IARS2: variants seen among roughly 807,000 people sequenced by gnomAD.
The protein encoded by IARS2 is isoleucine--tRNA ligase, mitochondrial.
Under a neutral mutation model 126.3 loss-of-function variants are expected in IARS2, and 56 were observed. The observed-to-expected ratio is 0.44, with a 90% confidence interval of 0.36 to 0.55. The LOEUF (loss-of-function observed/expected upper bound fraction) is 0.55. IARS2 is among the 20% of genes least tolerant of loss of function. IARS2 has a pLI of 0.00. For missense variants in IARS2, 1,127 were observed against 1,245.9 expected, an observed-to-expected ratio of 0.90 and a Z score of 1.44; for synonymous variants, 407 against 441.1, an observed-to-expected ratio of 0.92 and a Z score of 0.97.
chr1:220,101,873 C>T (rs1014774187), intron 3 of IARS2, among the ~76,000 whole-genome samples: 1 of 152,018 alleles, frequency 6.6e-6, no homozygotes, highest in African/African-American at 2.4e-5. Flanking sequence ...TGGTGGCGGG[C>T]GCCTGTAGTC....
intron 9 of IARS2, among the ~76,000 whole-genome samples, 185 bp from the exon 10 acceptor site, chr1:220,106,876 C>G (rs1388304211): frequency 1.3e-5 from 2 of 152,138 alleles, no homozygotes; most frequent in Non-Finnish European, 2.9e-5. Context: ...AAGTGATCTG[C>G]CCACCTCGAC....
intron 22 of IARS2, 126 bp downstream of exon 22, chr1:220,145,779 G>A: frequency 1.3e-6 from 1 of 760,628 alleles, no homozygotes; most frequent in Non-Finnish European, 2.0e-6. Context: ...TCTTTCTATG[G>A]AAATAATAAA....
At chr1:220,118,997 C>T (rs1656983360) in intron 12 of IARS2, among the ~76,000 whole-genome samples, 1 of 152,110 alleles carries the variant, frequency 6.6e-6, no homozygotes, top group Non-Finnish European at 1.5e-5. Context: ...CATTCTTCTT[C>T]CAGTAAGTTA....
intron 14 of IARS2, among the ~76,000 whole-genome samples, chr1:220,131,011 G>A (rs1179706241): frequency 6.6e-6 from 1 of 152,094 alleles, no homozygotes; most frequent in Non-Finnish European, 1.5e-5. Context: ...TTGAAGTTGG[G>A]CAGTGTGATG....
rs143527396 is a variant in IARS2 at position 220,145,422 on chromosome 1, C to T, written c.2752-87C>T. Reference sequence around the variant, plus strand: ...GTATACCAGAAGGTTCCTCTCTAAACGTGAGATTTTATAGTGTTTCTTTTT... The same window carrying T: ...GTATACCAGAAGGTTCCTCTCTAAATGTGAGATTTTATAGTGTTTCTTTTT... On this transcript the variant is annotated intron_variant, in intron 21 of 22. Transcript: ENST00000366922. The T allele has an allele frequency of 5.0e-3, 6,321 of 1,259,520 alleles. 30 individuals carry two copies. The highest frequency in any genetic ancestry group is 5.6e-3 in the Non-Finnish European group (5,161 of 918,536). The allele number at this position is 1,259,520 out of a possible 1,614,324, so 78.0% of individuals were successfully genotyped here.
intron 10 of IARS2, among the ~76,000 whole-genome samples, chr1:220,109,215 A>G (rs530101942): frequency 6.6e-6 from 1 of 152,210 alleles, no homozygotes; most frequent in African/African-American, 2.4e-5. Context: ...CCTGGCCAAC[A>G]TGGTGAAACC....
chr1:220,132,612 A>G (rs111844315), intron 14 of IARS2, among the ~76,000 whole-genome samples: 236 of 138,528 alleles, frequency 1.7e-3, no homozygotes, highest in African/African-American at 6.0e-3. Context: ...TGCAAACTCC[A>G]CCTCCCAGGT....
intron 12 of IARS2, among the ~76,000 whole-genome samples, chr1:220,117,620 A>G (rs1004488327): frequency 6.6e-6 from 1 of 152,114 alleles, no homozygotes; most frequent in Admixed American, 6.6e-5. Context: ...ATATGTATGT[A>G]TTAGTAAATA....
In IARS2 at chr1:220,102,728, C is replaced by T. The variant is rs1182884350; in HGVS notation, c.901C>T (p.Pro301Ser). The stretch of plus-strand genomic sequence containing the variant: ...TAGTATTTTGGTCTGGACCACACAA[C>T]CTTGGACGATTCCAGCCAATGAAGC... ...PVSILVWTTQ[P>S]WTIPANEAVC... Residue 301 changes from proline (P) to serine (S), a missense_variant, in exon 7 of 23, where the codon CCT becomes TCT. By Grantham distance (74) the Pro-to-Ser change is moderately conservative. Transcript: ENST00000366922. The T allele has an allele frequency of 1.2e-6, 2 of 1,613,728 alleles. No individual in the cohort carries two copies. The highest frequency in any genetic ancestry group is 2.2e-5 in the South Asian group (2 of 91,082).
In IARS2 at chr1:220,100,501, CAT is replaced by C. The variant is rs1391562627; in HGVS notation, c.404_405del (p.Ile135SerfsTer26). ...GHALNKILKD[I>X]ANRFHMMNGS... is the part of the protein sequence containing the mutation. Reference sequence around the variant, plus strand: ...TTTTATCTTTGCAGATTTTGAAAGACATAGCCAATCGATTCCATATGATGAAT... The same window carrying C: ...TTTTATCTTTGCAGATTTTGAAAGACAGCCAATCGATTCCATATGATGAAT... On this transcript the variant is annotated frameshift_variant, in exon 3 of 23. Transcript: ENST00000366922. LOFTEE classifies it high-confidence loss of function. 1.2e-6 allele frequency: 2 copies of C among 1,607,664 alleles called. No individual in the cohort carries two copies. The highest frequency in any genetic ancestry group is 4.5e-5 in the East Asian group (2 of 44,638).
chr1:220,114,880 A>G (rs1366246764), intron 12 of IARS2, among the ~76,000 whole-genome samples: 1 of 151,806 alleles, frequency 6.6e-6, no homozygotes, highest in Non-Finnish European at 1.5e-5. Context: ...GATACTTAAA[A>G]TTTAAGAAAT....
chr1:220,125,861 C>T (rs962964451), intron 13 of IARS2, among the ~76,000 whole-genome samples: 51 of 152,176 alleles, frequency 3.4e-4, no homozygotes, highest in African/African-American at 1.1e-3. Flanking sequence ...AATCCCAGCA[C>T]TTTGGGAGGC....
chr1:220,095,969 A>T lies in IARS2; in HGVS notation c.268-135A>T, dbSNP rs75256311. 3 of 568,044 alleles carry T rather than the reference A, an allele frequency of 5.3e-6. No homozygotes were observed. The African/African-American group carries it at 5.6e-5, about 11-fold the overall frequency. The allele number at this position is 568,044 out of a possible 1,614,324, so 35.2% of individuals were successfully genotyped here. A position where few individuals can be genotyped will look rare whatever the true frequency, so the allele number is the denominator to read the frequency against. ...TCAGAAACCTCACCTTGTATTTCAG[A>T]GTTGAGTAGATTGGAATGGAATAGA... On this transcript the variant is annotated intron_variant, in intron 1 of 22. Transcript: ENST00000366922.
intron 19 of IARS2, among the ~76,000 whole-genome samples, chr1:220,140,983 C>CAAA (rs555848103): frequency 1.4e-5 from 1 of 69,236 alleles, no homozygotes. Context: ...GACTCCGTCT[C>CAAA]AAAAAAAAAA....
In IARS2 at chr1:220,094,145, T is replaced by C; in HGVS notation, c.-72T>C. On this transcript the variant is annotated 5_prime_UTR_variant, in exon 1 of 23. Coordinates refer to ENST00000366922, the MANE Select transcript of IARS2 (RefSeq NM_018060.4). ...GTGCGCCCTCTTACTCGGCTCCCCT[T>C]GGTTTCCTGGGGTCCTGCCCCTTCA... 2 of 1,363,540 alleles carry C rather than the reference T, an allele frequency of 1.5e-6. No individual in the cohort carries two copies. Among genetic ancestry groups the C allele is most frequent in the Non-Finnish European group, 1.9e-6 (2 of 1,046,582 alleles). 84.5% of individuals were successfully genotyped at this position (1,363,540 alleles called of 1,614,324 possible). A position where few individuals can be genotyped will look rare whatever the true frequency, so the allele number is the denominator to read the frequency against.
chr1:220,096,462 C>T (rs1048569896), intron 2 of IARS2, among the ~76,000 whole-genome samples: 10 of 151,916 alleles, frequency 6.6e-5, no homozygotes, highest in East Asian at 1.9e-4. Flanking sequence ...AATTATCGGG[C>T]GAGGCATTGT....
chr1:220,134,587 A>G lies in IARS2; in HGVS notation c.1946+77A>G, dbSNP rs1024738316. ...CACTATGCTGAGTACTACAGAGATG[A>G]TAAGGCACCACTCTTGATTGCTTAC... is the stretch of plus-strand genomic sequence containing the variant. On this transcript the variant is annotated intron_variant, in intron 15 of 22. Transcript: ENST00000366922. 8 of 768,840 alleles carry G rather than the reference A, an allele frequency of 1.0e-5. No homozygotes were observed. The African/African-American group carries it at 1.4e-4, about 14-fold the overall frequency. 47.6% of individuals were successfully genotyped at this position (768,840 alleles called of 1,614,324 possible).
chr1:220,101,261 C>T (rs1316635714), intron 3 of IARS2, among the ~76,000 whole-genome samples: 1 of 151,986 alleles, frequency 6.6e-6, no homozygotes. Flanking sequence ...TTTATTTGTC[C>T]TAAATATGAG....
chr1:220,103,309 A>T (rs1384538249), intron 7 of IARS2, 138 bp from the exon 8 acceptor site: 3 of 571,194 alleles, frequency 5.3e-6, no homozygotes, highest in African/African-American at 3.7e-5. Context: ...TGGCCTCCCA[A>T]AGTGCTGGGA....
Sources: allele counts gnomAD v4.1 joint callset (sites outside exome capture counted in the v4.1 genomes callset), GRCh38; gene constraint gnomAD v4.1.1; transcripts MANE v1.5; gene names NCBI Gene and HGNC (gene_info 2026-07-23, HGNC 2026-07-21).